TULP4: variants seen among roughly 807,000 people sequenced by gnomAD.
TULP4 encodes tubby-related protein 4.
In TULP4, 16 loss-of-function variants were observed where a neutral mutation model predicts 129.0. The observed-to-expected ratio is 0.12, with a 90% CI of 0.08 to 0.19. The LOEUF (loss-of-function observed/expected upper bound fraction) is 0.19. TULP4 is among the 10% of genes least tolerant of loss of function. The probability of loss-of-function intolerance (pLI) is 1.00; values close to 1 mark genes in which losing one functional copy is unlikely to be tolerated. For synonymous variants in TULP4, 998 were observed against 854.0 expected, an observed-to-expected ratio of 1.17 and a Z score of -2.94; for missense variants, 1,842 against 2,059.1, an observed-to-expected ratio of 0.89 and a Z score of 2.04.
In TULP4 at chr6:158,493,580, A is replaced by C; in HGVS notation, c.1639A>C (p.Ile547Leu). 6.5e-7 allele frequency: 1 copy of C among 1,536,980 alleles called. No homozygotes were observed. Among genetic ancestry groups the C allele is most frequent in the Non-Finnish European group, 8.8e-7 (1 of 1,142,340 alleles). ...CTGGCCTTGCCTCCCCAGGATCAGC[A>C]TTGAGGCCCGCAAGTCACCCAAGCT... is the stretch of plus-strand genomic sequence containing the variant. ...SKSPKLPRIS[I>L]EARKSPKLPR... Residue 547 changes from isoleucine (I) to leucine (L), a missense_variant, in exon 10 of 14, where the codon ATT (isoleucine) becomes CTT (leucine). Physicochemically the swap from Ile to Leu is conservative, Grantham distance 5. Around this residue, in one of 5 missense-constraint regions of TULP4, gnomAD observed 456 missense variants for 534.3 expected, o/e 0.85. Transcript: ENST00000367097. This position sits in a 1 kb window ranked among gnomAD's most constrained non-coding sequence, Gnocchi z 4.4.
chr6:158,448,202 G>C (rs985040539), intron 3 of TULP4, among the ~76,000 whole-genome samples: 1 of 152,138 alleles, frequency 6.6e-6, no homozygotes, highest in African/African-American at 2.4e-5. Flanking sequence ...GTATTACCCA[G>C]CATGCTCCTG....
rs770089499 is a variant in TULP4 at position 158,502,806 on chromosome 6, A to G, written c.3143A>G (p.Gln1048Arg). Reference protein sequence around the residue: ...SQCSGTGPSSQPGASLAHTAS... With the variant: ...SQCSGTGPSSRPGASLAHTAS... The stretch of plus-strand genomic sequence containing the variant: ...TGCAGTGGCACAGGGCCCAGCTCAC[A>G]GCCCGGAGCCTCCCTGGCCCATACC... The change falls in exon 13 of 14, where the codon CAG becomes CGG. Residue 1048 changes from glutamine (Q) to arginine (R), a missense_variant. By Grantham distance (43) the Gln-to-Arg change is conservative. Around this residue, in one of 5 missense-constraint regions of TULP4, gnomAD observed 1,089 missense variants for 987.1 expected, o/e 1.10. Coordinates refer to ENST00000367097, the MANE Select transcript of TULP4 (RefSeq NM_020245.5). The G allele has an allele frequency of 6.2e-7, 1 of 1,611,668 alleles. No homozygotes were observed. The highest frequency in any genetic ancestry group is 1.7e-5 in the Admixed American group (1 of 59,990).
At chr6:158,492,317 G>A (rs1780234731) in intron 9 of TULP4, among the ~76,000 whole-genome samples, 1 of 152,134 alleles carries the variant, frequency 6.6e-6, no homozygotes, top group Admixed American at 6.5e-5. Flanking sequence ...TTCTCTTCCA[G>A]CAGCTTTCTA....
intron 1 of TULP4, among the ~76,000 whole-genome samples, chr6:158,341,703 T>C (rs950763114): frequency 6.6e-6 from 1 of 152,190 alleles, no homozygotes; most frequent in Non-Finnish European, 1.5e-5. Context: ...TGGCCATTTG[T>C]ATGTCTTCTT....
intron 5 of TULP4, among the ~76,000 whole-genome samples, chr6:158,460,186 C>G (rs1779394088): frequency 1.3e-5 from 2 of 152,216 alleles, no homozygotes; most frequent in African/African-American, 2.4e-5. Flanking sequence ...CTCTAGTTTT[C>G]AAGAGACGTG....
At chr6:158,468,610 T>A (rs1779605260) in intron 6 of TULP4, among the ~76,000 whole-genome samples, 1 of 152,260 alleles carries the variant, frequency 6.6e-6, no homozygotes, top group East Asian at 1.9e-4. Flanking sequence ...CAGCATAGTT[T>A]ATGTAAGGGA....
chr6:158,292,871 T>G (rs1344601973), intron 1 of TULP4, among the ~76,000 whole-genome samples: 1 of 152,228 alleles, frequency 6.6e-6, no homozygotes, highest in Non-Finnish European at 1.5e-5. Flanking sequence ...AAGTACTCTC[T>G]CATTTCTGTG....
At chr6:158,242,140 TA>T in intron 1 of TULP4, 1 of 947,072 alleles carries the variant, frequency 1.1e-6, no homozygotes, top group Non-Finnish European at 1.7e-6. Flanking sequence ...CATCTGACCA[TA>T]AGTGATGGCC....
intron 9 of TULP4, among the ~76,000 whole-genome samples, 157 bp downstream of exon 9, chr6:158,489,889 T>C (rs573759660): frequency 2.0e-5 from 3 of 152,346 alleles, no homozygotes; most frequent in Non-Finnish European, 4.4e-5. Context: ...TTACAACTTC[T>C]ATTTGTTTTG....
rs1780678937 is a variant in TULP4 at position 158,509,320 on chromosome 6, ACACT to A, written c.*2629_*2632del. 6.6e-6 allele frequency: 1 copy of A among 152,076 alleles called. No homozygotes were observed. The highest frequency in any genetic ancestry group is 6.5e-5 in the Admixed American group (1 of 15,274). 9.4% of individuals were successfully genotyped at this position (152,076 alleles called of 1,614,324 possible). On this transcript the variant is annotated 3_prime_UTR_variant, in exon 14 of 14. Transcript: ENST00000367097. The stretch of plus-strand genomic sequence containing the variant: ...CAAAGGAGACTTTTTTTTTGAGATA[ACACT>A]CAAATAGTATTCTCTTCTTTTGAAA...
At chr6:158,446,101 A>G (rs968965753) in intron 3 of TULP4, among the ~76,000 whole-genome samples, 2 of 152,194 alleles carry the variant, frequency 1.3e-5, no homozygotes, top group African/African-American at 4.8e-5. Context: ...TAGGCTCTCA[A>G]TCTTGTTCTT....
chr6:158,367,828 T>G lies in TULP4; in HGVS notation c.253-45237T>G, dbSNP rs1055987. On this transcript the variant is annotated intron_variant, in intron 1 of 13. Transcript: ENST00000367097. ...GGTTGAGGTGGGAAGATCACTGAAG[T>G]TCTGGGTTTTCCATCCAAATATCCC... is the stretch of plus-strand genomic sequence containing the variant. 2.5e-3 allele frequency among the ~76,000 whole-genome samples: 386 copies of G among 151,910 alleles called. 1 individual carries two copies. The highest frequency in any genetic ancestry group is 9.0e-3 in the African/African-American group (372 of 41,424).
intron 1 of TULP4, among the ~76,000 whole-genome samples, chr6:158,344,205 A>G (rs571861974): frequency 6.6e-6 from 1 of 152,214 alleles, no homozygotes; most frequent in South Asian, 2.1e-4. Flanking sequence ...ACCTATCCCA[A>G]AACCTATAAG....
chr6:158,398,697 G>C (rs1777774901), intron 1 of TULP4: 1 of 152,188 alleles, frequency 6.6e-6, no homozygotes, highest in African/African-American at 2.4e-5. Flanking sequence ...AGGTGGAAAG[G>C]CAATTTGTAC....
chr6:158,299,154 GC>G (rs1193775426), intron 1 of TULP4, among the ~76,000 whole-genome samples: 4 of 152,080 alleles, frequency 2.6e-5, no homozygotes, highest in Non-Finnish European at 5.9e-5. Context: ...GGGGGGTAAT[GC>G]CCTTATCTTC....
At chr6:158,457,760 C>T (rs988754875) in intron 5 of TULP4, among the ~76,000 whole-genome samples, 1 of 152,092 alleles carries the variant, frequency 6.6e-6, no homozygotes, top group African/African-American at 2.4e-5. Flanking sequence ...TTTGTCATTT[C>T]ATTAAGCACA....
chr6:158,286,232 T>G (rs1397625852), intron 1 of TULP4, among the ~76,000 whole-genome samples: 1 of 152,224 alleles, frequency 6.6e-6, no homozygotes, highest in South Asian at 2.1e-4. Flanking sequence ...CTTTAAGAAT[T>G]CTAAGTAATA....
Position 158,502,625 on chromosome 6 carries a change from C to T in TULP4, c.2962C>T (p.Arg988Trp), listed in dbSNP as rs200667552. The T allele has an allele frequency of 7.8e-5, 125 of 1,595,124 alleles. No homozygotes were observed. The highest frequency in any genetic ancestry group is 7.8e-5 in the Non-Finnish European group (92 of 1,176,730). ...CAATAGCCTCATCCACGCTACCCTG[C>T]GGAGGAACAACCGTGAGGCTACGCT... is the stretch of plus-strand genomic sequence containing the variant. ...SDNSLIHATL[R>W]RNNREATLKM... Residue 988 changes from arginine to tryptophan, a missense_variant, in exon 13 of 14, where the codon CGG becomes TGG. By Grantham distance (101) the Arg-to-Trp change is moderately radical. This residue lies in a region of TULP4 where 1,089 missense variants were observed against 987.1 expected (regional missense o/e 1.10). Coordinates refer to ENST00000367097, the MANE Select transcript of TULP4 (RefSeq NM_020245.5).
intron 1 of TULP4, among the ~76,000 whole-genome samples, chr6:158,315,911 CT>C (rs1410272470): frequency 6.6e-6 from 1 of 152,230 alleles, no homozygotes; most frequent in African/African-American, 2.4e-5. Flanking sequence ...GGTCCCACCT[CT>C]TGATACCACC....
Sources: allele counts gnomAD v4.1 joint callset (sites outside exome capture counted in the v4.1 genomes callset), GRCh38; gene constraint gnomAD v4.1.1; regional missense constraint gnomAD v4.1.1; non-coding constraint Gnocchi (gnomAD v3.1); transcripts MANE v1.5; gene names NCBI Gene and HGNC (gene_info 2026-07-23, HGNC 2026-07-21).